Variants in ZFAND3 observed in about 807,000 individuals in gnomAD.
The protein encoded by ZFAND3 is AN1-type zinc finger protein 3.
In ZFAND3, 10 loss-of-function variants were observed where a neutral mutation model predicts 29.6. The ratio of observed to expected loss-of-function variants is 0.34; its 90% CI spans 0.21 to 0.57. The LOEUF (loss-of-function observed/expected upper bound fraction) is 0.57. ZFAND3 is among the 20% of genes least tolerant of loss of function. The pLI is 0.86. For synonymous variants in ZFAND3, 128 were observed against 112.6 expected (o/e 1.14, Z -0.87); for missense variants, 230 against 304.5 (o/e 0.76, Z 1.82).
chr6:38,087,157 C>A (rs1260187243), intron 4 of ZFAND3, among the ~76,000 whole-genome samples: 1 of 152,110 alleles, frequency 6.6e-6, no homozygotes, highest in Non-Finnish European at 1.5e-5. Context: ...TGAAACTAGA[C>A]CCCTGTCTCT....
At chr6:37,917,632 T>G (rs1161078221) in intron 1 of ZFAND3, among the ~76,000 whole-genome samples, 1 of 152,242 alleles carries the variant, frequency 6.6e-6, no homozygotes, top group Non-Finnish European at 1.5e-5. Flanking sequence ...TCTTGCAAAC[T>G]CTGGTCAATC....
At chr6:37,974,398 C>CTTTTTTT (rs1467229897) in intron 2 of ZFAND3, among the ~76,000 whole-genome samples, 6 of 89,614 alleles carry the variant, frequency 6.7e-5, no homozygotes, top group African/African-American at 2.6e-4. Flanking sequence ...CTCTCTCTCT[C>CTTTTTTT]TCTCTTTTTT....
At chr6:38,023,263 T>TA (rs1763384147) in intron 2 of ZFAND3, among the ~76,000 whole-genome samples, 1 of 152,202 alleles carries the variant, frequency 6.6e-6, no homozygotes, top group Non-Finnish European at 1.5e-5. Context: ...GTGTGTGTAA[T>TA]ATGTATTTTA....
At chr6:38,076,612 G>A (rs1385727942) in intron 3 of ZFAND3, among the ~76,000 whole-genome samples, 1 of 152,218 alleles carries the variant, frequency 6.6e-6, no homozygotes, top group Non-Finnish European at 1.5e-5. Context: ...AACTCTGGGA[G>A]ATTAACACTT....
At chr6:37,876,638 A>G (rs1764797292) in intron 1 of ZFAND3, among the ~76,000 whole-genome samples, 1 of 152,250 alleles carries the variant, frequency 6.6e-6, no homozygotes, top group African/African-American at 2.4e-5. Flanking sequence ...AGTCTTTCAT[A>G]TCAATTCGTA....
At chr6:37,960,693 GAAA>G (rs1331594148) in intron 2 of ZFAND3, among the ~76,000 whole-genome samples, 1 of 152,184 alleles carries the variant, frequency 6.6e-6, no homozygotes, top group African/African-American at 2.4e-5. Context: ...TATAGAAACA[GAAA>G]CTTCTCTCAT....
In ZFAND3 at chr6:37,998,579, G is replaced by A. The variant is rs181162692; in HGVS notation, c.113-63014G>A. 4.9e-4 allele frequency among the ~76,000 whole-genome samples: 74 copies of A among 152,282 alleles called. 1 individual carries two copies. The East Asian group carries it at 0.013, about 26-fold the overall frequency. The stretch of plus-strand genomic sequence containing the variant: ...AAAAAATGCTGAACTAAGTAAATTT[G>A]GAAGTAAGTGAATTCTGAAAGACTA... On this transcript the variant is annotated intron_variant, in intron 2 of 5. Coordinates refer to ENST00000287218, the MANE Select transcript of ZFAND3 (RefSeq NM_021943.3).
chr6:37,827,140 A>G (rs1323624881), intron 1 of ZFAND3, among the ~76,000 whole-genome samples: 1 of 152,140 alleles, frequency 6.6e-6, no homozygotes, highest in Non-Finnish European at 1.5e-5. Context: ...AACATAGTTT[A>G]TTTCCACTGG....
At position 38,002,903 on chromosome 6, in the gene ZFAND3, T is replaced by C. The variant is rs535327727; in HGVS notation, c.113-58690T>C. ...CCTATGCTAAGTTCAATTATTGATATTTTCTTTTTAAAAAGCCACATACCT... is the reference window on the plus strand; with the variant it reads ...CCTATGCTAAGTTCAATTATTGATACTTTCTTTTTAAAAAGCCACATACCT... On this transcript the variant is annotated intron_variant, in intron 2 of 5. Transcript: ENST00000287218. The C allele has an allele frequency of 3.3e-5, 5 of 152,268 alleles. No homozygotes were observed. In the East Asian group the frequency reaches 9.7e-4, roughly 29 times the overall value. The allele number at this position is 152,268 out of a possible 1,614,324, so 9.4% of individuals were successfully genotyped here. A position where few individuals can be genotyped will look rare whatever the true frequency, so the allele number is the denominator to read the frequency against.
intron 1 of ZFAND3, among the ~76,000 whole-genome samples, chr6:37,862,922 T>G (rs79130856): frequency 1.3e-5 from 2 of 152,010 alleles, no homozygotes; most frequent in African/African-American, 4.8e-5. Context: ...TTTTTTTTTT[T>G]CTCAGATGAA....
At chr6:38,039,883 G>A (rs910438725) in intron 2 of ZFAND3, among the ~76,000 whole-genome samples, 1 of 152,200 alleles carries the variant, frequency 6.6e-6, no homozygotes, top group East Asian at 1.9e-4. Context: ...CATGTTTTCT[G>A]TGCTTTGTTT....
At chr6:37,997,456 G>A (rs1313155554) in intron 2 of ZFAND3, among the ~76,000 whole-genome samples, 2 of 152,188 alleles carry the variant, frequency 1.3e-5, no homozygotes, top group Non-Finnish European at 2.9e-5. Flanking sequence ...CGTACAGAAA[G>A]CTAGGAACTT....
chr6:37,842,101 G>T (rs952830552), intron 1 of ZFAND3, among the ~76,000 whole-genome samples: 7 of 151,946 alleles, frequency 4.6e-5, no homozygotes, highest in African/African-American at 1.7e-4. Flanking sequence ...CATTGATGAG[G>T]GCGATGCCTT....
intron 1 of ZFAND3, among the ~76,000 whole-genome samples, chr6:37,889,579 T>G (rs888952655): frequency 6.6e-6 from 1 of 152,194 alleles, no homozygotes; most frequent in Non-Finnish European, 1.5e-5. Context: ...TTTCTTTGTG[T>G]TATAGTTAAG....
At chr6:37,873,462 TATGC>T (rs1383537783) in intron 1 of ZFAND3, among the ~76,000 whole-genome samples, 7 of 152,246 alleles carry the variant, frequency 4.6e-5, no homozygotes, top group African/African-American at 1.7e-4. Flanking sequence ...TGGGATCATT[TATGC>T]GGTTGTGATT....
intron 1 of ZFAND3, among the ~76,000 whole-genome samples, chr6:37,920,365 C>A (rs1465226627): frequency 7.0e-6 from 1 of 143,192 alleles, no homozygotes; most frequent in African/African-American, 2.6e-5. Context: ...TTTAATTTTT[C>A]TTGTTCTTCT....
At chr6:38,112,630 G>A (rs1299219304) in intron 4 of ZFAND3, among the ~76,000 whole-genome samples, 5 of 152,222 alleles carry the variant, frequency 3.3e-5, no homozygotes, top group Non-Finnish European at 5.9e-5. Context: ...TCAAATATGG[G>A]TAGTAGATGG....
chr6:37,825,725 T>A (rs1421813658), intron 1 of ZFAND3, among the ~76,000 whole-genome samples: 1 of 152,180 alleles, frequency 6.6e-6, no homozygotes, highest in African/African-American at 2.4e-5. Flanking sequence ...CTCTTTATAA[T>A]CCTTAATGGT....
chr6:38,108,499 G>A (rs938639165), intron 4 of ZFAND3, among the ~76,000 whole-genome samples: 2 of 152,190 alleles, frequency 1.3e-5, no homozygotes, highest in African/African-American at 4.8e-5. Context: ...GAGTCCCTGG[G>A]AAGCCACTGG....
Sources: allele counts gnomAD v4.1 joint callset (sites outside exome capture counted in the v4.1 genomes callset), GRCh38; gene constraint gnomAD v4.1.1; transcripts MANE v1.5; gene names NCBI Gene and HGNC (gene_info 2026-07-23, HGNC 2026-07-21).